The following PPP2R2D variants were observed in gnomAD, a reference collection of about 807,000 sequenced individuals.
PPP2R2D encodes the protein serine/threonine-protein phosphatase 2A 55 kDa regulatory subunit B delta isoform.
In PPP2R2D, 9 loss-of-function variants were observed where a neutral mutation model predicts 31.1. The observed-to-expected ratio is 0.29, with a 90% CI of 0.17 to 0.51. The LOEUF (loss-of-function observed/expected upper bound fraction) is 0.51, where lower values mean the gene tolerates loss of function less well. PPP2R2D is among the 20% of genes least tolerant of loss of function. The pLI, the probability that PPP2R2D is intolerant of heterozygous loss-of-function variation, is 0.98. For synonymous variants in PPP2R2D, 179 were observed against 172.6 expected (o/e 1.04, Z -0.29); for missense variants, 391 against 465.6 (o/e 0.84, Z 1.48).
chr10:131,954,802 TG>T (rs1349574843), intron 8 of PPP2R2D, among the ~76,000 whole-genome samples: 2 of 152,074 alleles, frequency 1.3e-5, no homozygotes, highest in Non-Finnish European at 2.9e-5. Flanking sequence ...CGCATGACCA[TG>T]GGGGCAGGAC....
At chr10:131,924,864 A>G (rs181033005) in intron 2 of PPP2R2D, among the ~76,000 whole-genome samples, 5 of 152,212 alleles carry the variant, frequency 3.3e-5, no homozygotes, top group Admixed American at 3.3e-4. Flanking sequence ...CAATGTACAA[A>G]TCTTGTCATT....
intron 2 of PPP2R2D, among the ~76,000 whole-genome samples, chr10:131,913,237 G>A (rs1479576790): frequency 6.7e-6 from 1 of 148,180 alleles, no homozygotes; most frequent in African/African-American, 2.5e-5. Flanking sequence ...CACCATGTTG[G>A]CCAGGCTGGT....
Position 131,901,309 on chromosome 10 carries a change from A to G in PPP2R2D, c.79A>G (p.Ile27Val), listed in dbSNP as rs2035489714. 1 of 359,114 alleles carries G rather than the reference A, an allele frequency of 2.8e-6. No homozygotes were observed. The highest frequency in any genetic ancestry group is 5.0e-6 in the Non-Finnish European group (1 of 200,622). 22.2% of individuals were successfully genotyped at this position (359,114 alleles called of 1,614,324 possible). The stretch of plus-strand genomic sequence containing the variant: ...GTGCTTCTCGCAGGTCAAGGGGGCC[A>G]TCGACGAGGACGTGGCCGAAGGTGA... Reference protein sequence around the residue: ...QWCFSQVKGAIDEDVAEADII... With the variant: ...QWCFSQVKGAVDEDVAEADII... The change falls in exon 2 of 9, where the codon ATC becomes GTC. Residue 27 changes from isoleucine (I) to valine (V), a missense_variant. Transcript: ENST00000455566.
chr10:131,902,674 T>C (rs2035519733), intron 2 of PPP2R2D, among the ~76,000 whole-genome samples: 1 of 152,274 alleles, frequency 6.6e-6, no homozygotes, highest in African/African-American at 2.4e-5. Flanking sequence ...GTGTGATTTC[T>C]GTCGCAAGTA....
intron 2 of PPP2R2D, among the ~76,000 whole-genome samples, chr10:131,928,906 C>T (rs574299938): frequency 6.6e-6 from 1 of 152,184 alleles, no homozygotes; most frequent in Non-Finnish European, 1.5e-5. Flanking sequence ...GAGAGCTGAT[C>T]TGATGCATTC....
chr10:131,970,408 C>T, the PPP2R2D span: 1 of 599,660 alleles, frequency 1.7e-6, no homozygotes, highest in Non-Finnish European at 2.9e-6. This position sits in a 1 kb window ranked among gnomAD's most constrained non-coding sequence, Gnocchi z 4.1. Flanking sequence ...GAGCAACAGG[C>T]AGACTCGTCA....
rs782375706 is a variant in PPP2R2D, at chr10:131,955,940, A to G, written c.1339A>G (p.Ile447Val). Residue 447 changes from isoleucine (I) to valine (V), a missense_variant, in exon 9 of 9, where the codon ATA (isoleucine) becomes GTA (valine). Coordinates refer to ENST00000455566, the MANE Select transcript of PPP2R2D (RefSeq NM_018461.5). ...CGTGGCTGCCACCAATAACTTGTAC[A>G]TATTCCAGGACAAAATCAACTAGAG... Reference protein sequence around the residue: ...IAVAATNNLYIFQDKIN With the variant: ...IAVAATNNLYVFQDKIN The G allele has an allele frequency of 1.3e-6, 2 of 1,564,966 alleles. No individual in the cohort carries two copies. The highest frequency in any genetic ancestry group is 2.4e-5 in the East Asian group (1 of 42,522).
At position 131,956,144 on chromosome 10, in the gene PPP2R2D, C is replaced by T. The variant is rs782280829; in HGVS notation, c.*181C>T. ...GGTGTGGTTCCGCCTCGGCGAGGCG[C>T]GAGACAGGCGCTGCTGCTCACGTGG... On this transcript the variant is annotated 3_prime_UTR_variant, in exon 9 of 9. Transcript: ENST00000455566. 4.4e-5 allele frequency: 55 copies of T among 1,243,522 alleles called. No homozygotes were observed. Among genetic ancestry groups the T allele is most frequent in the East Asian group, 6.3e-5 (2 of 31,830 alleles). The allele number at this position is 1,243,522 out of a possible 1,614,324, so 77.0% of individuals were successfully genotyped here. A position where few individuals can be genotyped will look rare whatever the true frequency, so the allele number is the denominator to read the frequency against.
At chr10:131,948,351 T>A (rs1201477800) in intron 8 of PPP2R2D, among the ~76,000 whole-genome samples, 1 of 149,806 alleles carries the variant, frequency 6.7e-6, no homozygotes, top group Non-Finnish European at 1.5e-5. Flanking sequence ...ACGTTTTTTT[T>A]ATTATGCAAA....
chr10:131,934,807 A>G lies in PPP2R2D; in HGVS notation c.198+252A>G, dbSNP rs1452036806. On this transcript the variant is annotated intron_variant, in intron 3 of 8. Coordinates refer to ENST00000455566, the MANE Select transcript of PPP2R2D (RefSeq NM_018461.5). Reference sequence around the variant, plus strand: ...CCGCTGGGGACCCCATGAAGGATGCAGGGTGGTGGTGAGGTGCATTTATGT... The same window carrying G: ...CCGCTGGGGACCCCATGAAGGATGCGGGGTGGTGGTGAGGTGCATTTATGT... 6 of 546,748 alleles carry G rather than the reference A, an allele frequency of 1.1e-5. No homozygotes were observed. In the African/African-American group the frequency reaches 1.1e-4, roughly 10 times the overall value. The allele number at this position is 546,748 out of a possible 1,614,324, so 33.9% of individuals were successfully genotyped here.
chr10:131,932,658 A>AAAAAAAAAAAAAAAC (rs1589945418), intron 2 of PPP2R2D, among the ~76,000 whole-genome samples: 1 of 149,486 alleles, frequency 6.7e-6, no homozygotes, highest in Admixed American at 6.6e-5. Flanking sequence ...AAAAAAAAAA[A>AAAAAAAAAAAAAAAC]AAAAAAAAAA....
At chr10:131,926,611 G>A (rs774047695) in intron 2 of PPP2R2D, among the ~76,000 whole-genome samples, 11 of 152,154 alleles carry the variant, frequency 7.2e-5, no homozygotes, top group Non-Finnish European at 1.5e-4. Context: ...TGGCAGCCTC[G>A]GTAAACTCTG....
chr10:131,962,749 CACGT>C (rs148784336), downstream of PPP2R2D, among the ~76,000 whole-genome samples: 139 of 152,334 alleles, frequency 9.1e-4, no homozygotes, highest in Admixed American at 2.2e-3. Flanking sequence ...AGGCCCAGAC[CACGT>C]GACTGCCTGC....
At chr10:131,963,714 C>CT (rs1428573729), downstream of PPP2R2D, among the ~76,000 whole-genome samples, 1 of 151,974 alleles carries the variant, frequency 6.6e-6, no homozygotes, top group Non-Finnish European at 1.5e-5. Context: ...AGGGACCACA[C>CT]TTTTTTTTTC....
At chr10:131,919,498 A>C (rs1300985275) in intron 2 of PPP2R2D, among the ~76,000 whole-genome samples, 2 of 119,094 alleles carry the variant, frequency 1.7e-5, no homozygotes, top group Non-Finnish European at 3.4e-5. Flanking sequence ...GTTTGTACGG[A>C]CCTCAGGTGG....
intron 3 of PPP2R2D, 194 bp downstream of exon 3, chr10:131,934,749 C>T (rs2036308067): frequency 1.7e-6 from 1 of 592,152 alleles, no homozygotes; most frequent in Admixed American, 2.2e-5. Flanking sequence ...GTGAAGTCTC[C>T]AAGGCCTTTG....
intron 2 of PPP2R2D, among the ~76,000 whole-genome samples, chr10:131,907,700 G>A (rs1486693517): frequency 1.3e-5 from 2 of 149,910 alleles, no homozygotes; most frequent in African/African-American, 2.5e-5. Flanking sequence ...CGGAGATCAC[G>A]CCACTGCACC....
rs552691540 is a variant in PPP2R2D at position 131,940,686 on chromosome 10, G to T, written c.469G>T (p.Ala157Ser). Reference sequence around the variant, plus strand: ...ACTTCGAGACCCATTTAGGATCACGGCGCTACGGGTACACGTTGCCTTTGC... The same window carrying T: ...ACTTCGAGACCCATTTAGGATCACGTCGCTACGGGTACACGTTGCCTTTGC... The part of the protein sequence containing the change: ...GRLRDPFRIT[A>S]LRVPILKPMD... The change falls in exon 5 of 9, where the codon GCG (alanine) becomes TCG (serine). Residue 157 changes from alanine to serine, a missense_variant. By Grantham distance (99) the Ala-to-Ser change is moderately conservative. Around this residue, in one of 3 missense-constraint regions of PPP2R2D, gnomAD observed 105 missense variants for 98.5 expected, o/e 1.07. Coordinates refer to ENST00000455566, the MANE Select transcript of PPP2R2D (RefSeq NM_018461.5). 1.3e-6 allele frequency: 1 copy of T among 776,166 alleles called. No homozygotes were observed. Among genetic ancestry groups the T allele is most frequent in the East Asian group, 2.4e-5 (1 of 41,166 alleles). The allele number at this position is 776,166 out of a possible 1,614,324, so 48.1% of individuals were successfully genotyped here.
chr10:131,956,247 G>T lies in PPP2R2D; in HGVS notation c.*284G>T. The T allele has an allele frequency of 8.9e-7, 1 of 1,122,738 alleles. No homozygotes were observed. Among genetic ancestry groups the T allele is most frequent in the East Asian group, 4.7e-5 (1 of 21,444 alleles). 69.5% of individuals were successfully genotyped at this position (1,122,738 alleles called of 1,614,324 possible). A position where few individuals can be genotyped will look rare whatever the true frequency, so the allele number is the denominator to read the frequency against. ...AGAATAAATGTATTTATTTCAGTCC[G>T]AGCCTTCCTTTCCAATTTATAGACC... On this transcript the variant is annotated 3_prime_UTR_variant, in exon 9 of 9. Coordinates refer to ENST00000455566, the MANE Select transcript of PPP2R2D (RefSeq NM_018461.5).
Sources: gnomAD v4.1 joint callset for allele counts (sites outside exome capture counted in the v4.1 genomes callset) on GRCh38, gnomAD v4.1.1 for gene constraint, gnomAD v4.1.1 regional missense constraint, Gnocchi (gnomAD v3.1) non-coding constraint, MANE v1.5 for transcripts, NCBI Gene and HGNC (gene_info 2026-07-23, HGNC 2026-07-21) for gene names.